The following PIK3R3 variants were observed in gnomAD, a reference collection of about 807,000 sequenced individuals.
PIK3R3 encodes phosphoinositide-3-kinase regulatory subunit 3, also known as phosphatidylinositol 3-kinase regulatory subunit gamma.
PIK3R3 carries 64 observed loss-of-function variants against 62.9 expected under a neutral mutation model. That is an observed-to-expected ratio of 1.02 (90% confidence interval 0.83 to 1.25). The LOEUF is 1.25. PIK3R3 is among the 50% of genes most tolerant of loss of function. PIK3R3 has a pLI of 0.00. For missense variants in PIK3R3, 614 were observed against 561.6 expected, an observed-to-expected ratio of 1.09 and a Z score of -0.94; for synonymous variants, 165 against 189.0, an observed-to-expected ratio of 0.87 and a Z score of 1.04.
the PIK3R3 span, among the ~76,000 whole-genome samples, chr1:46,161,530 T>C: frequency 2.6e-5 from 4 of 152,228 alleles, no homozygotes; most frequent in Non-Finnish European, 5.9e-5. Context: ...CTTAAAAATA[T>C]TTTGATCCTC....
chr1:46,052,453 T>C (rs921444712), intron 7 of PIK3R3, among the ~76,000 whole-genome samples: 1 of 152,100 alleles, frequency 6.6e-6, no homozygotes, highest in Non-Finnish European at 1.5e-5. Context: ...TTTTAAAAAA[T>C]TGATACCTAA....
At chr1:46,070,904 T>C (rs566723014) in intron 3 of PIK3R3, among the ~76,000 whole-genome samples, 1 of 152,324 alleles carries the variant, frequency 6.6e-6, no homozygotes, top group South Asian at 2.1e-4. Flanking sequence ...TCTTAAAGAT[T>C]TGTTAAGTAT....
intron 1 of PIK3R3, among the ~76,000 whole-genome samples, chr1:46,121,088 T>C (rs1654637563): frequency 6.6e-6 from 1 of 152,214 alleles, no homozygotes; most frequent in Non-Finnish European, 1.5e-5. Flanking sequence ...AAGCAAAATA[T>C]GGGTTTATAC....
the PIK3R3 span, among the ~76,000 whole-genome samples, chr1:46,159,954 A>G: frequency 6.6e-6 from 1 of 152,068 alleles, no homozygotes; most frequent in East Asian, 1.9e-4. Flanking sequence ...TGACTCCCAG[A>G]TTCTCAAAAG....
intron 1 of PIK3R3, among the ~76,000 whole-genome samples, chr1:46,100,599 C>T (rs920002138): frequency 6.6e-6 from 1 of 152,156 alleles, no homozygotes; most frequent in Admixed American, 6.5e-5. Flanking sequence ...TGACAGTTTA[C>T]TCTCCTACAT....
At chr1:46,130,178 G>T (rs906084731) in intron 1 of PIK3R3, among the ~76,000 whole-genome samples, 3 of 152,072 alleles carry the variant, frequency 2.0e-5, no homozygotes, top group Non-Finnish European at 2.9e-5. Context: ...TTGTATGTCT[G>T]CAAGGCAAGG....
At chr1:46,168,943 C>T in the PIK3R3 span, among the ~76,000 whole-genome samples, 2 of 152,286 alleles carry the variant, frequency 1.3e-5, no homozygotes, top group African/African-American at 2.4e-5. Context: ...CTCCAACCTC[C>T]TCACCCCCAG....
rs1647010611 is a variant in PIK3R3 at position 46,042,256 on chromosome 1, G to A, written c.*1417C>T. The A allele has an allele frequency of 1.8e-5, 4 of 227,668 alleles. No individual in the cohort carries two copies. The highest frequency in any genetic ancestry group is 2.6e-5 in the Non-Finnish European group (3 of 114,590). 14.1% of individuals were successfully genotyped at this position (227,668 alleles called of 1,614,324 possible). Reference sequence around the variant, plus strand: ...AGCTGGAAGGCTTAAGCCACATGGAGCAGAAGATTCCTGGCCTAAAATCAA... The same window carrying A: ...AGCTGGAAGGCTTAAGCCACATGGAACAGAAGATTCCTGGCCTAAAATCAA... On this transcript the variant is annotated 3_prime_UTR_variant, in exon 10 of 10. Transcript: ENST00000262741. This position sits in a 1 kb window ranked among gnomAD's most constrained non-coding sequence, Gnocchi z 4.3.
the PIK3R3 span, among the ~76,000 whole-genome samples, chr1:46,159,856 T>C: frequency 6.6e-6 from 1 of 152,164 alleles, no homozygotes; most frequent in East Asian, 1.9e-4. Flanking sequence ...CCAAATTTAA[T>C]ACTAAATTCT....
chr1:46,051,557 G>A (rs757026891), intron 7 of PIK3R3, among the ~76,000 whole-genome samples: 4 of 151,890 alleles, frequency 2.6e-5, no homozygotes, highest in Non-Finnish European at 4.4e-5. Context: ...CACTGCACCC[G>A]GCCACATAGA....
intron 1 of PIK3R3, among the ~76,000 whole-genome samples, chr1:46,111,185 T>C (rs1393862931): frequency 6.6e-6 from 1 of 152,166 alleles, no homozygotes; most frequent in Non-Finnish European, 1.5e-5. Flanking sequence ...TGTGAATATA[T>C]ATATATGGGC....
chr1:46,042,898 G>A lies in PIK3R3; in HGVS notation c.*775C>T, dbSNP rs769845973. The A allele has an allele frequency of 4.9e-6, 1 of 202,616 alleles. No homozygotes were observed. The highest frequency in any genetic ancestry group is 1.0e-5 in the Non-Finnish European group (1 of 98,170). The allele number at this position is 202,616 out of a possible 1,614,324, so 12.6% of individuals were successfully genotyped here. ...GTTAGTTACAGTGATCAATTTTAGCGTTTGCTAAAACTCACAAATTCTAGT... is the reference window on the plus strand; with the variant it reads ...GTTAGTTACAGTGATCAATTTTAGCATTTGCTAAAACTCACAAATTCTAGT... On this transcript the variant is annotated 3_prime_UTR_variant, in exon 10 of 10. Transcript: ENST00000262741. This position sits in a 1 kb window ranked among gnomAD's most constrained non-coding sequence, Gnocchi z 4.3.
At chr1:46,053,749 C>CA in intron 7 of PIK3R3, among the ~76,000 whole-genome samples, 1 of 152,162 alleles carries the variant, frequency 6.6e-6, no homozygotes, top group Non-Finnish European at 1.5e-5. Flanking sequence ...GCAGCCTAAA[C>CA]AGACTAAGAC....
intron 3 of PIK3R3, among the ~76,000 whole-genome samples, chr1:46,075,494 C>T (rs890130785): frequency 2.1e-4 from 32 of 152,036 alleles, no homozygotes; most frequent in African/African-American, 5.8e-4. Context: ...TGGTGGCATG[C>T]GCCTTTGGTC....
the PIK3R3 span, among the ~76,000 whole-genome samples, chr1:46,143,270 A>G: frequency 2.6e-5 from 4 of 152,230 alleles, no homozygotes; most frequent in Non-Finnish European, 5.9e-5. Context: ...GAGTGGATCA[A>G]TGACCCAGGC....
At chr1:46,048,198 T>C (rs1432994225) in intron 7 of PIK3R3, 3 of 152,352 alleles carry the variant, frequency 2.0e-5, no homozygotes, top group South Asian at 2.1e-4. Flanking sequence ...CACATGCACA[T>C]AGACATTCAA....
chr1:46,102,542 T>C (rs1652795755), intron 1 of PIK3R3, among the ~76,000 whole-genome samples: 2 of 152,060 alleles, frequency 1.3e-5, no homozygotes, highest in Non-Finnish European at 2.9e-5. Context: ...AGGAAGAATT[T>C]ATATGAAATT....
intron 6 of PIK3R3, 30 bp downstream of exon 6, chr1:46,061,899 G>C (rs1648524379): frequency 6.3e-7 from 1 of 1,592,880 alleles, no homozygotes; most frequent in African/African-American, 1.3e-5. Context: ...CTGTCTCACT[G>C]ATGCCCTTGG....
rs28435505 is a variant in PIK3R3 at position 46,042,187 on chromosome 1, C to T, written c.*1486G>A. ...TGATGGGTGTGGGGCATGATGGGGG[C>T]AGGAATAGATGCCTGCCCCCACTCC... On this transcript the variant is annotated 3_prime_UTR_variant, in exon 10 of 10. Coordinates refer to ENST00000262741, the MANE Select transcript of PIK3R3 (RefSeq NM_003629.4). The surrounding 1 kb of genome is among the most constrained non-coding windows in gnomAD (Gnocchi z 4.3). The T allele has an allele frequency of 0.025, 5,552 of 222,630 alleles. 311 individuals carry two copies. The highest frequency in any genetic ancestry group is 0.11 in the African/African-American group (5,134 of 44,814). The allele number at this position is 222,630 out of a possible 1,614,324, so 13.8% of individuals were successfully genotyped here. A position where few individuals can be genotyped will look rare whatever the true frequency, so the allele number is the denominator to read the frequency against.
Sources: gnomAD v4.1 joint callset for allele counts (sites outside exome capture counted in the v4.1 genomes callset) on GRCh38, gnomAD v4.1.1 for gene constraint, Gnocchi (gnomAD v3.1) non-coding constraint, MANE v1.5 for transcripts, NCBI Gene and HGNC (gene_info 2026-07-23, HGNC 2026-07-21) for gene names.